The following ZFAND4 variants were observed in gnomAD, a reference collection of about 807,000 sequenced individuals.
ZFAND4 encodes the protein AN1-type zinc finger protein 4.
Under a neutral mutation model 64.4 loss-of-function variants are expected in ZFAND4, and 43 were observed. That is an observed-to-expected ratio of 0.67 (90% CI 0.52 to 0.86). ZFAND4 has a LOEUF of 0.86. ZFAND4 is among the 40% of genes least tolerant of loss of function. The probability of loss-of-function intolerance (pLI) is 0.00; values close to 1 mark genes in which losing one functional copy is unlikely to be tolerated. For synonymous variants in ZFAND4, 296 were observed against 305.7 expected (o/e 0.97, Z 0.33); for missense variants, 929 against 859.8 (o/e 1.08, Z -1.01).
chr10:45,626,824 G>C lies in ZFAND4; in HGVS notation c.999C>G (p.Ser333Arg), dbSNP rs1365651596. 2 of 1,614,188 alleles carry C rather than the reference G, an allele frequency of 1.2e-6. No homozygotes were observed. The highest frequency in any genetic ancestry group is 1.7e-6 in the Non-Finnish European group (2 of 1,180,042). ...GTATCTGAGGAGGTAGTTTGACGTT[G>C]CTACTGAAGTGAGACAGTGTGTTAT... ...WENNTLSHFS[S>R]NVKLPPQIPH... Residue 333 changes from serine (S) to arginine (R), a missense_variant, in exon 7 of 10, where the codon AGC (serine) becomes AGG (arginine). By Grantham distance (110) the Ser-to-Arg change is moderately radical (BLOSUM62 -1). Coordinates refer to ENST00000344646, the MANE Select transcript of ZFAND4 (RefSeq NM_174890.4).
chr10:45,634,089 A>C (rs1270788303), intron 6 of ZFAND4, among the ~76,000 whole-genome samples: 1 of 147,464 alleles, frequency 6.8e-6, no homozygotes, highest in Non-Finnish European at 1.5e-5. Flanking sequence ...TATTCTTAGG[A>C]GATACATAAT....
At chr10:45,655,446 A>AC (rs1315002079) in intron 2 of ZFAND4, among the ~76,000 whole-genome samples, 19 of 152,222 alleles carry the variant, frequency 1.2e-4, no homozygotes, top group Non-Finnish European at 5.9e-5. Flanking sequence ...GTAACATCAC[A>AC]CCTCAAGGAA....
intron 2 of ZFAND4, among the ~76,000 whole-genome samples, chr10:45,657,837 A>T (rs1264345671): frequency 6.6e-6 from 1 of 152,224 alleles, no homozygotes; most frequent in Non-Finnish European, 1.5e-5. Context: ...GACTTAAGAG[A>T]CTATAAAGTA....
intron 6 of ZFAND4, among the ~76,000 whole-genome samples, chr10:45,636,120 A>G (rs2046578182): frequency 6.6e-6 from 1 of 152,194 alleles, no homozygotes; most frequent in African/African-American, 2.4e-5. Context: ...CTAACAATGC[A>G]AGACTATTTT....
chr10:45,620,099 G>A (rs2045302920), intron 8 of ZFAND4, among the ~76,000 whole-genome samples: 2 of 152,176 alleles, frequency 1.3e-5, no homozygotes, highest in Non-Finnish European at 2.9e-5. Context: ...AATCTCTGAT[G>A]ATAATTTAAT....
In ZFAND4 at chr10:45,653,013, A is replaced by T; in HGVS notation, c.231T>A (p.Leu77=). The change falls in exon 3 of 10, where the codon CTT becomes CTA. Residue 77 remains leucine (L), a synonymous_variant. Transcript: ENST00000344646. The part of the protein sequence containing the change: ...RQHLIWNNME[L]ENDYCLNDYN... Reference sequence around the variant, plus strand: ...AATCATTCAAGCAATAATCATTTTCAAGTTCCATGTTATTCCAAATTAAGT... The same window carrying T: ...AATCATTCAAGCAATAATCATTTTCTAGTTCCATGTTATTCCAAATTAAGT... 9 of 1,612,406 alleles carry T rather than the reference A, an allele frequency of 5.6e-6. No homozygotes were observed. Among genetic ancestry groups the T allele is most frequent in the Non-Finnish European group, 7.6e-6 (9 of 1,179,136 alleles).
intron 5 of ZFAND4, among the ~76,000 whole-genome samples, chr10:45,644,574 A>G (rs1210017570): frequency 6.6e-6 from 1 of 152,200 alleles, no homozygotes; most frequent in East Asian, 1.9e-4. Flanking sequence ...GAATTAATTC[A>G]CTATTGATCA....
rs192766253 is a variant in ZFAND4 at position 45,615,718 on chromosome 10, T to C, written c.*718A>G. The C allele has an allele frequency of 6.6e-6, 1 of 152,246 alleles. No homozygotes were observed. The highest frequency in any genetic ancestry group is 1.5e-5 in the Non-Finnish European group (1 of 68,016). The allele number at this position is 152,246 out of a possible 1,614,324, so 9.4% of individuals were successfully genotyped here. ...TCAAAAGGTAAAAAGTTGGCTTCTA[T>C]ATTTAATGGCAAGTGGGACATCTTC... is the stretch of plus-strand genomic sequence containing the variant. On this transcript the variant is annotated 3_prime_UTR_variant, in exon 10 of 10. Coordinates refer to ENST00000344646, the MANE Select transcript of ZFAND4 (RefSeq NM_174890.4).
chr10:45,626,088 T>C lies in ZFAND4; in HGVS notation c.1735A>G (p.Arg579Gly). ...FLASLAGSTS[R>G]NRLQSTRGAG... ...CCACGTGTGCTCTGTAATCTATTTC[T>C]GCTTGTGCTCCCGGCCAGTGAGGCA... The change falls in exon 7 of 10, where the codon AGA (arginine) becomes GGA (glycine). Residue 579 changes from arginine to glycine, a missense_variant. Coordinates refer to ENST00000344646, the MANE Select transcript of ZFAND4 (RefSeq NM_174890.4). 3 of 1,614,172 alleles carry C rather than the reference T, an allele frequency of 1.9e-6. No homozygotes were observed. Among genetic ancestry groups the C allele is most frequent in the Non-Finnish European group, 1.7e-6 (2 of 1,180,038 alleles).
intron 5 of ZFAND4, among the ~76,000 whole-genome samples, chr10:45,641,222 T>G (rs559630051): frequency 6.6e-6 from 1 of 152,320 alleles, no homozygotes; most frequent in East Asian, 1.9e-4. Flanking sequence ...ATGGGAAAAT[T>G]AGAATGGCAA....
chr10:45,618,223 G>A lies in ZFAND4; in HGVS notation c.1965C>T (p.Ala655=), dbSNP rs777094824. The change falls in exon 9 of 10, where the codon GCC becomes GCT. Residue 655 remains alanine (A), a synonymous_variant. Coordinates refer to ENST00000344646, the MANE Select transcript of ZFAND4 (RefSeq NM_174890.4). The stretch of plus-strand genomic sequence containing the variant: ...TTGTTTTCTTCTTTGTCTGAAGAGG[G>A]GCTTTCACAGGTGGGAGGTGATGAG... The part of the protein sequence containing the change: ...CTTHHLPPVK[A]PLQTKKKTTN... 7 of 1,613,642 alleles carry A rather than the reference G, an allele frequency of 4.3e-6. No homozygotes were observed. In the South Asian group the frequency reaches 5.5e-5, roughly 13 times the overall value.
At position 45,631,509 on chromosome 10, in the gene ZFAND4, A is replaced by G. The variant is rs560543471; in HGVS notation, c.718-4404T>C. Reference sequence around the variant, plus strand: ...AGATACATCCTAATAAAACCACTACATTTAAAAGAAAAAAAAATCCTCATT... The same window carrying G: ...AGATACATCCTAATAAAACCACTACGTTTAAAAGAAAAAAAAATCCTCATT... On this transcript the variant is annotated intron_variant, in intron 6 of 9. Transcript: ENST00000344646. Among the ~76,000 whole-genome samples the G allele has an allele frequency of 7.4e-4, 112 of 152,200 alleles. 1 individual carries two copies. Among genetic ancestry groups the G allele is most frequent in the African/African-American group, 2.5e-3 (105 of 41,524 alleles).
chr10:45,635,216 A>AAAAAAC (rs2046500698), intron 6 of ZFAND4, among the ~76,000 whole-genome samples: 2 of 139,414 alleles, frequency 1.4e-5, no homozygotes, highest in African/African-American at 5.9e-5. Context: ...AAAAAAAACA[A>AAAAAAC]AAAAAAAACA....
intron 8 of ZFAND4, among the ~76,000 whole-genome samples, chr10:45,621,298 T>A (rs1359933958): frequency 1.3e-5 from 2 of 152,036 alleles, no homozygotes; most frequent in Non-Finnish European, 2.9e-5. Flanking sequence ...AGAATGATAG[T>A]TATTACAGTG....
Position 45,648,499 on chromosome 10 carries a change from A to T in ZFAND4, c.364T>A (p.Tyr122Asn), listed in dbSNP as rs1564609163. The change falls in exon 5 of 10, where the codon TAC becomes AAC. Residue 122 changes from tyrosine to asparagine, a missense_variant. Transcript: ENST00000344646. ...ACCTCAACTCGACTGGAATCCAAGTACTCTGCCATCTTCCTAAGTGGATCG... is the reference window on the plus strand; with the variant it reads ...ACCTCAACTCGACTGGAATCCAAGTTCTCTGCCATCTTCCTAAGTGGATCG... Reference protein sequence around the residue: ...TDDPLRKMAEYLDSSRVEVWE... With the variant: ...TDDPLRKMAENLDSSRVEVWE... 1.2e-6 allele frequency: 2 copies of T among 1,613,408 alleles called. No homozygotes were observed. The highest frequency in any genetic ancestry group is 1.7e-6 in the Non-Finnish European group (2 of 1,179,676).
intron 5 of ZFAND4, among the ~76,000 whole-genome samples, chr10:45,642,684 CT>C (rs915678867): frequency 9.4e-5 from 14 of 148,440 alleles, no homozygotes; most frequent in East Asian, 5.9e-4. Context: ...TTAAATTCAC[CT>C]TTTTTTTTCA....
intron 1 of ZFAND4, among the ~76,000 whole-genome samples, chr10:45,665,650 A>C (rs907895427): frequency 7.2e-5 from 11 of 152,144 alleles, no homozygotes; most frequent in African/African-American, 2.7e-4. Context: ...GTTGTGCAAC[A>C]ATCACCACAT....
At chr10:45,668,297 A>G (rs1367579860) in intron 1 of ZFAND4, among the ~76,000 whole-genome samples, 1 of 152,214 alleles carries the variant, frequency 6.6e-6, no homozygotes, top group Non-Finnish European at 1.5e-5. Flanking sequence ...TCGTAAGTGA[A>G]GGAGAAATAA....
At chr10:45,618,011 C>T in intron 9 of ZFAND4, 129 bp downstream of exon 9, 1 of 958,408 alleles carries the variant, frequency 1.0e-6, no homozygotes, top group South Asian at 1.8e-5. Flanking sequence ...AGAAGTTCAA[C>T]TGAAGATAGC....
Sources: gnomAD v4.1 joint callset for allele counts (sites outside exome capture counted in the v4.1 genomes callset) on GRCh38, gnomAD v4.1.1 for gene constraint, MANE v1.5 for transcripts, NCBI Gene and HGNC (gene_info 2026-07-23, HGNC 2026-07-21) for gene names.